The following DKK3 variants were observed in gnomAD, a reference collection of about 807,000 sequenced individuals.
The protein encoded by DKK3 is dickkopf-related protein 3.
DKK3 carries 22 observed loss-of-function variants against 33.2 expected under a neutral mutation model. The observed-to-expected ratio is 0.66, with a 90% confidence interval of 0.47 to 0.95. The LOEUF is 0.95. Ranked by LOEUF, DKK3 falls within the 40% of genes least tolerant of loss-of-function variation. The probability of loss-of-function intolerance (pLI) is 0.00; values close to 1 mark genes in which losing one functional copy is unlikely to be tolerated. For missense variants in DKK3, 398 were observed against 458.4 expected, an observed-to-expected ratio of 0.87 and a Z score of 1.20; for synonymous variants, 194 against 188.8, an observed-to-expected ratio of 1.03 and a Z score of -0.23.
intron 6 of DKK3, among the ~76,000 whole-genome samples, chr11:11,964,947 C>T (rs996335581): frequency 2.0e-5 from 3 of 152,182 alleles, no homozygotes; most frequent in African/African-American, 4.8e-5. Flanking sequence ...TCTCAGGCCC[C>T]GCAGCCCAGG....
intron 3 of DKK3, among the ~76,000 whole-genome samples, chr11:11,983,608 G>A (rs1166971446): frequency 2.0e-5 from 3 of 152,206 alleles, no homozygotes; most frequent in Admixed American, 6.5e-5. Flanking sequence ...GATGCTTCAC[G>A]CAGCAGTTCA....
At chr11:11,995,378 C>G (rs894576270) in intron 3 of DKK3, among the ~76,000 whole-genome samples, 17 of 152,190 alleles carry the variant, frequency 1.1e-4, no homozygotes, top group Admixed American at 2.6e-4. Flanking sequence ...GGCCACTGTA[C>G]CCAGCCTTCC....
chr11:11,979,282 C>G lies in DKK3; in HGVS notation c.436-10795G>C, dbSNP rs74419068. ...CCTGACAGCTGCTGCTGTATCTGCT[C>G]AGGGCCCACAGGCCTTTCAGCTGCT... is the stretch of plus-strand genomic sequence containing the variant. On this transcript the variant is annotated intron_variant, in intron 3 of 6. Transcript: ENST00000683431. Among the ~76,000 whole-genome samples, 563 of 152,344 alleles carry G rather than the reference C, an allele frequency of 3.7e-3. 2 individuals are homozygous for G. The highest frequency in any genetic ancestry group is 0.013 in the African/African-American group (530 of 41,578).
At chr11:11,973,614 G>T (rs767545825) in intron 3 of DKK3, among the ~76,000 whole-genome samples, 1 of 152,208 alleles carries the variant, frequency 6.6e-6, no homozygotes, top group Admixed American at 6.5e-5. Flanking sequence ...TCATTCAGAG[G>T]ATGGCTTCTT....
intron 1 of DKK3, among the ~76,000 whole-genome samples, chr11:12,005,737 T>C (rs1299691069): frequency 6.6e-6 from 1 of 152,190 alleles, no homozygotes; most frequent in Non-Finnish European, 1.5e-5. Flanking sequence ...CAGGTCCTTT[T>C]TGATTTTTCC....
At chr11:12,000,539 T>C (rs1289192665) in intron 2 of DKK3, among the ~76,000 whole-genome samples, 2 of 145,946 alleles carry the variant, frequency 1.4e-5, no homozygotes, top group Admixed American at 7.0e-5. Context: ...ACAGTCTCAC[T>C]CTGTCACCCA....
chr11:11,980,115 C>T (rs1218097478), intron 3 of DKK3, among the ~76,000 whole-genome samples: 1 of 152,210 alleles, frequency 6.6e-6, no homozygotes, highest in South Asian at 2.1e-4. Flanking sequence ...CAAGCTCCCT[C>T]GGCTCTAATT....
intron 3 of DKK3, among the ~76,000 whole-genome samples, chr11:11,997,780 G>GA (rs1272989886): frequency 6.6e-6 from 1 of 152,084 alleles, no homozygotes; most frequent in East Asian, 1.9e-4. Flanking sequence ...AAAAACAAGG[G>GA]AAAAAATCCA....
At chr11:11,983,372 G>C (rs1349310415) in intron 3 of DKK3, among the ~76,000 whole-genome samples, 1 of 152,198 alleles carries the variant, frequency 6.6e-6, no homozygotes, top group Non-Finnish European at 1.5e-5. Context: ...AGAGAACTGG[G>C]AGGTGACAAA....
chr11:11,968,651 G>T, intron 3 of DKK3, 164 bp from the exon 4 acceptor site: 1 of 564,160 alleles, frequency 1.8e-6, no homozygotes, highest in Non-Finnish European at 3.0e-6. Flanking sequence ...TCCCTGCCTG[G>T]CTGCACTGCC....
intron 3 of DKK3, among the ~76,000 whole-genome samples, chr11:11,976,012 A>G (rs962832798): frequency 6.6e-6 from 1 of 152,200 alleles, no homozygotes; most frequent in Non-Finnish European, 1.5e-5. Context: ...AACAGATGCA[A>G]CAGTGCTTAG....
At chr11:11,986,097 C>G (rs536400219) in intron 3 of DKK3, among the ~76,000 whole-genome samples, 1 of 152,264 alleles carries the variant, frequency 6.6e-6, no homozygotes, top group East Asian at 1.9e-4. Flanking sequence ...CTGGCCTCTG[C>G]CCACCCCAGC....
chr11:11,986,938 A>C (rs1001531364), intron 3 of DKK3, among the ~76,000 whole-genome samples: 1 of 152,224 alleles, frequency 6.6e-6, no homozygotes, highest in Admixed American at 6.5e-5. Flanking sequence ...TTCATTTTTT[A>C]AACAAATCAG....
At chr11:11,980,371 C>A (rs957929247) in intron 3 of DKK3, among the ~76,000 whole-genome samples, 1 of 152,240 alleles carries the variant, frequency 6.6e-6, no homozygotes, top group Non-Finnish European at 1.5e-5. Flanking sequence ...TGACCAAGGT[C>A]ATGAGTTCCT....
At chr11:11,977,596 C>G (rs1847860825) in intron 3 of DKK3, among the ~76,000 whole-genome samples, 1 of 152,238 alleles carries the variant, frequency 6.6e-6, no homozygotes, top group Non-Finnish European at 1.5e-5. Context: ...CCCCCCAACA[C>G]TTCTCCGGGG....
At chr11:11,965,037 C>T (rs1352979541) in intron 6 of DKK3, among the ~76,000 whole-genome samples, 4 of 152,192 alleles carry the variant, frequency 2.6e-5, no homozygotes, top group Non-Finnish European at 5.9e-5. Flanking sequence ...CAGGAGTCAG[C>T]CTGACTCTGG....
chr11:11,988,072 C>T (rs1848108540), intron 3 of DKK3, among the ~76,000 whole-genome samples: 1 of 152,200 alleles, frequency 6.6e-6, no homozygotes, highest in South Asian at 2.1e-4. Context: ...ATGCTCAGAG[C>T]CATGAGGGAA....
In DKK3 at chr11:11,976,258, CAAG is replaced by C. The variant is rs1299661293; in HGVS notation, c.436-7774_436-7772del. Reference sequence around the variant, plus strand: ...GAGCCCTCTGCTCTGGAGGGGAAGACAAGAAGAAGGAGGACAGTTGCAATGGAA... The same window carrying C: ...GAGCCCTCTGCTCTGGAGGGGAAGACAAGAAGGAGGACAGTTGCAATGGAA... On this transcript the variant is annotated intron_variant, in intron 3 of 6. Coordinates refer to ENST00000683431, the MANE Select transcript of DKK3 (RefSeq NM_001018057.2). 4.6e-5 allele frequency among the ~76,000 whole-genome samples: 7 copies of C among 152,182 alleles called. No individual in the cohort carries two copies. In the East Asian group the frequency reaches 1.2e-3, roughly 25 times the overall value.
At chr11:11,968,612 A>G (rs1341725782) in intron 3 of DKK3, 125 bp from the exon 4 acceptor site, 2 of 845,994 alleles carry the variant, frequency 2.4e-6, no homozygotes, top group East Asian at 5.9e-5. Context: ...CAGGGTCAGG[A>G]AAGGCCTCCA....
Sources: allele counts gnomAD v4.1 joint callset (sites outside exome capture counted in the v4.1 genomes callset), GRCh38; gene constraint gnomAD v4.1.1; transcripts MANE v1.5; gene names NCBI Gene and HGNC (gene_info 2026-07-23, HGNC 2026-07-21).